FSD1: variants seen among roughly 807,000 people sequenced by gnomAD.
The protein encoded by FSD1 is fibronectin type III and SPRY domain-containing protein 1.
In FSD1, 23 loss-of-function variants were observed where a neutral mutation model predicts 58.2. That is an observed-to-expected ratio of 0.40 (90% CI 0.28 to 0.56). The LOEUF is 0.56. Ranked by LOEUF, FSD1 falls within the 20% of genes least tolerant of loss-of-function variation. FSD1 has a pLI of 0.54. For synonymous variants in FSD1, 265 were observed against 263.4 expected, an observed-to-expected ratio of 1.01 and a Z score of -0.06; for missense variants, 563 against 670.8, an observed-to-expected ratio of 0.84 and a Z score of 1.78.
chr19:4,314,143 C>T (rs1971727234), intron 7 of FSD1, among the ~76,000 whole-genome samples: 1 of 152,176 alleles, frequency 6.6e-6, no homozygotes, highest in African/African-American at 2.4e-5. Context: ...GGGCTGTAAT[C>T]AGCCAGCTAG....
chr19:4,310,820 C>A, intron 6 of FSD1: 1 of 506,380 alleles, frequency 2.0e-6, no homozygotes, highest in South Asian at 2.2e-5. Flanking sequence ...GTAGTGACAT[C>A]CTGGGAAAAC....
intron 7 of FSD1, among the ~76,000 whole-genome samples, chr19:4,315,391 C>A: frequency 6.8e-6 from 1 of 146,104 alleles, no homozygotes; most frequent in South Asian, 2.1e-4. Context: ...TCACTGCAAG[C>A]TCCGCCTCCC....
chr19:4,316,562 C>T (rs1489762398), intron 7 of FSD1, among the ~76,000 whole-genome samples: 1 of 151,072 alleles, frequency 6.6e-6, no homozygotes, highest in East Asian at 2.0e-4. Flanking sequence ...GAGACAGAAT[C>T]TCAAATAAAT....
At chr19:4,311,028 C>T (rs996947445) in intron 6 of FSD1, 1 of 162,484 alleles carries the variant, frequency 6.2e-6, no homozygotes, top group African/African-American at 2.4e-5. Flanking sequence ...ATGGGTGGAG[C>T]CATCAGAAAG....
Position 4,323,133 on chromosome 19 carries a change from A to G in FSD1, c.1187A>G (p.Asn396Ser). ...GCCGCCTCCTGGTGCCTGCACGTCAACAATTGGCTGCAGGTCAGCTTCACG... is the reference window on the plus strand; with the variant it reads ...GCCGCCTCCTGGTGCCTGCACGTCAGCAATTGGCTGCAGGTCAGCTTCACG... ...KTAASWCLHV[N>S]NWLQVSFTAK... Residue 396 changes from asparagine (N) to serine (S), a missense_variant, in exon 11 of 13, where the codon AAC becomes AGC. Coordinates refer to ENST00000221856, the MANE Select transcript of FSD1 (RefSeq NM_024333.3). This position sits in a 1 kb window ranked among gnomAD's most constrained non-coding sequence, Gnocchi z 7.7. 1 of 1,606,216 alleles carries G rather than the reference A, an allele frequency of 6.2e-7. No individual in the cohort carries two copies. The highest frequency in any genetic ancestry group is 8.5e-7 in the Non-Finnish European group (1 of 1,179,768).
rs550540531 is a variant in FSD1, at chr19:4,306,507, G to A, written c.243+178G>A. Among the ~76,000 whole-genome samples, 8 of 150,908 alleles carry A rather than the reference G, an allele frequency of 5.3e-5. No homozygotes were observed. The East Asian group carries it at 1.4e-3, about 26-fold the overall frequency. ...TTTGAGACGGAGGTCTCGCTCTGTC[G>A]CCCAGGCTGGAGTGCAGTGGCATGA... On this transcript the variant is annotated intron_variant, in intron 3 of 12. Coordinates refer to ENST00000221856, the MANE Select transcript of FSD1 (RefSeq NM_024333.3).
chr19:4,306,175 C>CGATTCT, intron 2 of FSD1, 23 bp from the exon 3 acceptor site: 1 of 1,613,702 alleles, frequency 6.2e-7, no homozygotes, highest in African/African-American at 1.3e-5. Context: ...GGGCTTTGGC[C>CGATTCT]GATTCTGGCT....
intron 10 of FSD1, among the ~76,000 whole-genome samples, chr19:4,320,572 A>G (rs62129303): frequency 0.059 from 8,937 of 152,124 alleles, 295 homozygotes; most frequent in Middle Eastern, 0.12. Context: ...GAAAGGAGTA[A>G]CTGAGGCTTG....
chr19:4,322,886 T>C, intron 10 of FSD1, 100 bp from the exon 11 acceptor site: 1 of 1,385,116 alleles, frequency 7.2e-7, no homozygotes, highest in Non-Finnish European at 9.8e-7. Flanking sequence ...GGAGCAGCTG[T>C]GGTGTAAGGA....
In FSD1 at chr19:4,318,360, C is replaced by A; in HGVS notation, c.814C>A (p.Leu272Met). Residue 272 changes from leucine (L) to methionine (M), a missense_variant, in exon 9 of 13, where the codon CTG (leucine) becomes ATG (methionine). Transcript: ENST00000221856. ...TLETPAFMFR[L>M]DASTSHQNLR... ...CCCGGCCCCAGCGTTCATGTTCCGC[C>A]TGGATGCGTCCACATCCCACCAGAA... 1 of 1,613,880 alleles carries A rather than the reference C, an allele frequency of 6.2e-7. No homozygotes were observed. The highest frequency in any genetic ancestry group is 8.5e-7 in the Non-Finnish European group (1 of 1,179,990).
chr19:4,307,966 A>G lies in FSD1; in HGVS notation c.328A>G (p.Ser110Gly). The G allele has an allele frequency of 1.9e-6, 3 of 1,613,816 alleles. No individual in the cohort carries two copies. The highest frequency in any genetic ancestry group is 2.5e-6 in the Non-Finnish European group (3 of 1,179,828). The change falls in exon 4 of 13, where the codon AGC (serine) becomes GGC (glycine). Residue 110 changes from serine (S) to glycine (G), a missense_variant. By Grantham distance (56) the Ser-to-Gly change is moderately conservative. Coordinates refer to ENST00000221856, the MANE Select transcript of FSD1 (RefSeq NM_024333.3). ...TANQTLQAMDSEDFPQAAKQI... is the reference protein window; with the variant it reads ...TANQTLQAMDGEDFPQAAKQI... ...CAACCAGACTCTGCAGGCCATGGAC[A>G]GCGAGGACTTTCCTCAGGTGGGTGC... is the stretch of plus-strand genomic sequence containing the variant.
chr19:4,310,536 C>T lies in FSD1; in HGVS notation c.430C>T (p.His144Tyr), dbSNP rs1307398370. ...AGCGAAGGTCAGTGACAACATGAGT[C>T]ACCTCATGGTGGACTTCGCGCAAGA... ...LKAKVSDNMS[H>Y]LMVDFAQERQ... The change falls in exon 6 of 13, where the codon CAC becomes TAC. Residue 144 changes from histidine (H) to tyrosine (Y), a missense_variant. By Grantham distance (83) the His-to-Tyr change is moderately conservative (BLOSUM62 2). Transcript: ENST00000221856. The T allele has an allele frequency of 1.2e-6, 2 of 1,613,646 alleles. No homozygotes were observed. The highest frequency in any genetic ancestry group is 2.7e-5 in the African/African-American group (2 of 74,950).
At chr19:4,306,959 AT>A (rs1431775592) in intron 3 of FSD1, among the ~76,000 whole-genome samples, 8 of 152,182 alleles carry the variant, frequency 5.3e-5, no homozygotes, top group Admixed American at 4.6e-4. Flanking sequence ...CACAGGCTGC[AT>A]CCAGACCTCC....
At position 4,318,929 on chromosome 19, in the gene FSD1, C is replaced by T. The variant is rs1321985390; in HGVS notation, c.1017C>T (p.Thr339=). Residue 339 remains threonine (T), a synonymous_variant, in exon 10 of 13, where the codon ACC becomes ACT. Transcript: ENST00000221856. ...GTCGTGGGGGACGGGACCGCTTCAC[C>T]GCTGAGTCCTACACAGTTCTGGGTA... is the stretch of plus-strand genomic sequence containing the variant. ...PSGRGGRDRF[T]AESYTVLGDT... is the part of the protein sequence containing the mutation. The T allele has an allele frequency of 1.2e-5, 20 of 1,613,486 alleles. No homozygotes were observed. The highest frequency in any genetic ancestry group is 6.7e-5 in the African/African-American group (5 of 74,898).
intron 7 of FSD1, among the ~76,000 whole-genome samples, chr19:4,313,592 C>A (rs1971719762): frequency 6.6e-6 from 1 of 151,602 alleles, no homozygotes; most frequent in Non-Finnish European, 1.5e-5. Flanking sequence ...GTGGCGGGCG[C>A]CTGTAATCCC....
At chr19:4,310,687 C>A (rs907172571) in intron 6 of FSD1, 91 bp downstream of exon 6, 2 of 1,427,440 alleles carry the variant, frequency 1.4e-6, no homozygotes, top group Non-Finnish European at 1.9e-6. Context: ...GTATGGTGGA[C>A]GACCCGGTGT....
intron 7 of FSD1, among the ~76,000 whole-genome samples, chr19:4,316,038 A>G (rs1212438007): frequency 6.6e-6 from 1 of 151,624 alleles, no homozygotes; most frequent in Non-Finnish European, 1.5e-5. Flanking sequence ...ATGTGCTGGG[A>G]TTACAGGCGT....
intron 7 of FSD1, 98 bp from the exon 8 acceptor site, chr19:4,317,084 T>C: frequency 1.3e-6 from 1 of 750,648 alleles, no homozygotes; most frequent in Non-Finnish European, 2.4e-6. Flanking sequence ...GTTCTTAGAA[T>C]GGCGTTGGGA....
intron 7 of FSD1, among the ~76,000 whole-genome samples, chr19:4,314,254 G>C (rs1467617796): frequency 6.6e-6 from 1 of 152,146 alleles, no homozygotes; most frequent in African/African-American, 2.4e-5. Flanking sequence ...CTTATCCTTT[G>C]CTTGAGAATC....
Sources: gnomAD v4.1 joint callset for allele counts (sites outside exome capture counted in the v4.1 genomes callset) on GRCh38, gnomAD v4.1.1 for gene constraint, Gnocchi (gnomAD v3.1) non-coding constraint, MANE v1.5 for transcripts, NCBI Gene and HGNC (gene_info 2026-07-23, HGNC 2026-07-21) for gene names.